PLPPR1: variants seen among roughly 807,000 people sequenced by gnomAD.
The protein encoded by PLPPR1 is phospholipid phosphatase related 1.
A neutral mutation model predicts 33.1 loss-of-function variants in PLPPR1; 10 were observed. The observed-to-expected ratio is 0.30, with a 90% CI of 0.19 to 0.51. The LOEUF (loss-of-function observed/expected upper bound fraction) is 0.51. Ranked by LOEUF, PLPPR1 falls within the 20% of genes least tolerant of loss-of-function variation. The pLI, the probability that PLPPR1 is intolerant of heterozygous loss-of-function variation, is 0.97. For synonymous variants in PLPPR1, 151 were observed against 151.0 expected (o/e 1.00, Z 0.00); for missense variants, 304 against 408.1 (o/e 0.74, Z 2.20).
intron 1 of PLPPR1, among the ~76,000 whole-genome samples, chr9:101,156,869 A>C (rs1177481066): frequency 6.6e-6 from 1 of 151,548 alleles, no homozygotes; most frequent in East Asian, 1.9e-4. Flanking sequence ...AATGATTCTG[A>C]ATGGCAAGCA....
chr9:101,200,869 A>C (rs1826479617), intron 2 of PLPPR1, among the ~76,000 whole-genome samples: 1 of 152,222 alleles, frequency 6.6e-6, no homozygotes, highest in East Asian at 1.9e-4. Context: ...ATCACAGAAA[A>C]AAAGTAAAGA....
intron 1 of PLPPR1, among the ~76,000 whole-genome samples, chr9:101,049,777 A>G (rs1032240943): frequency 6.6e-6 from 1 of 152,050 alleles, no homozygotes; most frequent in Non-Finnish European, 1.5e-5. Flanking sequence ...ATAACCATAT[A>G]TATGTGTATG....
intron 2 of PLPPR1, among the ~76,000 whole-genome samples, chr9:101,269,412 C>T (rs943238322): frequency 2.6e-5 from 4 of 152,236 alleles, no homozygotes; most frequent in Non-Finnish European, 4.4e-5. Flanking sequence ...TCCATTCCTT[C>T]GTTTACTCGT....
At chr9:101,302,823 C>CCA (rs1198180347) in intron 4 of PLPPR1, among the ~76,000 whole-genome samples, 1 of 152,064 alleles carries the variant, frequency 6.6e-6, no homozygotes, top group Non-Finnish European at 1.5e-5. Context: ...AGAAAAGCTA[C>CCA]CACAAAGAGA....
intron 1 of PLPPR1, among the ~76,000 whole-genome samples, chr9:101,069,127 A>G (rs1184950812): frequency 2.1e-5 from 2 of 97,096 alleles, no homozygotes. Flanking sequence ...ACAAACCAGC[A>G]TATTTGTTTA....
intron 1 of PLPPR1, among the ~76,000 whole-genome samples, chr9:101,078,130 A>G (rs1288999345): frequency 3.0e-4 from 4 of 13,166 alleles, no homozygotes; most frequent in African/African-American, 1.3e-3. Flanking sequence ...AAGAAGAAGA[A>G]GAAGAAGAAG....
intron 3 of PLPPR1, among the ~76,000 whole-genome samples, chr9:101,270,519 A>G (rs2567312): frequency 0.77 from 117,556 of 152,144 alleles, 46,350 homozygotes; most frequent in East Asian, 0.99. Flanking sequence ...TTCCGTAGAC[A>G]CCAGAGATGA....
At chr9:101,295,975 T>A (rs1464955890) in intron 4 of PLPPR1, among the ~76,000 whole-genome samples, 2 of 150,012 alleles carry the variant, frequency 1.3e-5, no homozygotes, top group Non-Finnish European at 3.0e-5. Context: ...ACTAAAGAGC[T>A]TCTGCACAGC....
intron 1 of PLPPR1, among the ~76,000 whole-genome samples, chr9:101,173,641 A>T (rs1351528421): frequency 1.3e-5 from 2 of 152,072 alleles, no homozygotes; most frequent in African/African-American, 4.8e-5. Flanking sequence ...GTGACTTTTA[A>T]CCCAGCTAAA....
intron 1 of PLPPR1, among the ~76,000 whole-genome samples, chr9:101,098,223 G>A (rs1215902826): frequency 6.6e-6 from 1 of 152,118 alleles, no homozygotes; most frequent in Non-Finnish European, 1.5e-5. Flanking sequence ...AAAAGCAGTG[G>A]AAAGAGGCAG....
chr9:101,147,387 T>A (rs1477519365), intron 1 of PLPPR1, among the ~76,000 whole-genome samples: 2 of 152,216 alleles, frequency 1.3e-5, no homozygotes, highest in African/African-American at 4.8e-5. Context: ...TATTTTGAAT[T>A]ACTCTGGGAA....
At chr9:101,091,312 T>G (rs1830738997) in intron 1 of PLPPR1, among the ~76,000 whole-genome samples, 1 of 152,154 alleles carries the variant, frequency 6.6e-6, no homozygotes, top group African/African-American at 2.4e-5. Context: ...GCAGAATTAG[T>G]GATTTAAATG....
chr9:101,251,547 G>A (rs1016779023), intron 2 of PLPPR1, among the ~76,000 whole-genome samples: 1 of 152,030 alleles, frequency 6.6e-6, no homozygotes, highest in Non-Finnish European at 1.5e-5. Flanking sequence ...CCATGCCACT[G>A]CCTTGCTCAA....
intron 1 of PLPPR1, among the ~76,000 whole-genome samples, chr9:101,069,057 C>G (rs1390336170): frequency 1.3e-5 from 2 of 151,946 alleles, no homozygotes; most frequent in African/African-American, 4.8e-5. Flanking sequence ...GATGATCTAG[C>G]CTTCCCTAGT....
intron 2 of PLPPR1, among the ~76,000 whole-genome samples, chr9:101,258,245 C>T (rs1437431664): frequency 6.6e-6 from 1 of 152,162 alleles, no homozygotes; most frequent in Non-Finnish European, 1.5e-5. Flanking sequence ...AGTTAATATT[C>T]ACTTCTTGAT....
chr9:101,317,485 T>G lies in PLPPR1; in HGVS notation c.934T>G (p.Leu312Val), dbSNP rs1234596135. 1 of 1,613,704 alleles carries G rather than the reference T, an allele frequency of 6.2e-7. No individual in the cohort carries two copies. The highest frequency in any genetic ancestry group is 1.3e-5 in the African/African-American group (1 of 74,912). Residue 312 changes from leucine (L) to valine (V), a missense_variant, in exon 7 of 8, where the codon TTA becomes GTA. Transcript: ENST00000374874. ...AAGGATAGAAAGCCCTCTGGAAACC[T>G]TAAGTGCACAGGTATGGTAAAGCAG... The part of the protein sequence containing the change: ...FPRIESPLET[L>V]SAQNHSASMT...
At position 101,291,866 on chromosome 9, in the gene PLPPR1, T is replaced by C. The variant is rs574057462; in HGVS notation, c.385+5630T>C. On this transcript the variant is annotated intron_variant, in intron 4 of 7. Coordinates refer to ENST00000374874, the MANE Select transcript of PLPPR1 (RefSeq NM_207299.2). ...AAAAACAGAACAGAAAAACTGGAAA[T>C]TCTAAAAAGCAGAGCACCTCTCCTC... 1.6e-3 allele frequency among the ~76,000 whole-genome samples: 247 copies of C among 152,040 alleles called. 1 individual carries two copies. Among genetic ancestry groups the C allele is most frequent in the Non-Finnish European group, 2.8e-3 (188 of 67,970 alleles).
chr9:101,086,863 A>G (rs1830683068), intron 1 of PLPPR1, among the ~76,000 whole-genome samples: 1 of 152,190 alleles, frequency 6.6e-6, no homozygotes, highest in Non-Finnish European at 1.5e-5. Flanking sequence ...TCTCATGAGA[A>G]GCAGGTCAGC....
chr9:101,157,134 A>T (rs1052839747), intron 1 of PLPPR1, among the ~76,000 whole-genome samples: 1 of 152,238 alleles, frequency 6.6e-6, no homozygotes, highest in African/African-American at 2.4e-5. Context: ...GAAATGACAG[A>T]TTCTAAATAC....
Sources: gnomAD v4.1 joint callset for allele counts (sites outside exome capture counted in the v4.1 genomes callset) on GRCh38, gnomAD v4.1.1 for gene constraint, MANE v1.5 for transcripts, NCBI Gene and HGNC (gene_info 2026-07-23, HGNC 2026-07-21) for gene names.